The following TAB2 variants were observed in gnomAD, a reference collection of about 807,000 sequenced individuals.
TAB2 encodes the protein TGF-beta-activated kinase 1 and MAP3K7-binding protein 2.
In TAB2, 3 loss-of-function variants were observed where a neutral mutation model predicts 65.0. The observed-to-expected ratio is 0.05, with a 90% CI of 0.02 to 0.12. The LOEUF (loss-of-function observed/expected upper bound fraction) is 0.12. Ranked by LOEUF, TAB2 falls within the 10% of genes least tolerant of loss-of-function variation. The pLI, the probability that TAB2 is intolerant of heterozygous loss-of-function variation, is 1.00. For missense variants in TAB2, 623 were observed against 840.3 expected, an observed-to-expected ratio of 0.74 and a Z score of 3.20; for synonymous variants, 298 against 285.1, an observed-to-expected ratio of 1.05 and a Z score of -0.46.
At chr6:149,268,521 A>G (rs1408651547) in intron 1 of TAB2, among the ~76,000 whole-genome samples, 5 of 152,252 alleles carry the variant, frequency 3.3e-5, no homozygotes, top group Admixed American at 3.3e-4. Flanking sequence ...ATGTGGAAGG[A>G]AAATGTTGAC....
chr6:149,320,767 G>A (rs912458178), intron 1 of TAB2, among the ~76,000 whole-genome samples: 1 of 152,118 alleles, frequency 6.6e-6, no homozygotes, highest in East Asian at 1.9e-4. Flanking sequence ...TTGGGGGAAA[G>A]TTCCTGATAA....
intron 3 of TAB2, among the ~76,000 whole-genome samples, chr6:149,383,579 C>T (rs1781689778): frequency 1.3e-5 from 2 of 152,060 alleles, no homozygotes; most frequent in South Asian, 2.1e-4. Context: ...GACCTATCAC[C>T]CAGTAACACA....
intron 1 of TAB2, among the ~76,000 whole-genome samples, chr6:149,346,191 A>G (rs1328240893): frequency 6.6e-6 from 1 of 152,112 alleles, no homozygotes; most frequent in Non-Finnish European, 1.5e-5. Context: ...AGTAGTAGCA[A>G]ATATCCATGT....
chr6:149,406,131 C>T (rs943387329), intron 6 of TAB2, among the ~76,000 whole-genome samples: 8 of 152,178 alleles, frequency 5.3e-5, no homozygotes, highest in African/African-American at 1.4e-4. Context: ...ATCAGGTCAG[C>T]ACTCATAGTG....
upstream of TAB2, among the ~76,000 whole-genome samples, chr6:149,316,752 T>C (rs1280013132): frequency 6.6e-6 from 1 of 152,142 alleles, no homozygotes; most frequent in East Asian, 1.9e-4. Context: ...GAACGTGCAA[T>C]TAAAATAAAA....
chr6:149,246,294 A>G (rs886689131), intron 1 of TAB2: 2 of 152,204 alleles, frequency 1.3e-5, no homozygotes, highest in African/African-American at 4.8e-5. Context: ...CTAAAAGCAA[A>G]TGGTCTGTTC....
At chr6:149,339,589 A>AT (rs1462448974) in intron 1 of TAB2, among the ~76,000 whole-genome samples, 5,630 of 31,396 alleles carry the variant, frequency 0.18, 452 homozygotes, top group African/African-American at 0.32. Context: ...AATCTTTTTT[A>AT]TTTATTTATT....
At chr6:149,361,206 G>C (rs1780838163) in intron 1 of TAB2, among the ~76,000 whole-genome samples, 1 of 152,220 alleles carries the variant, frequency 6.6e-6, no homozygotes, top group African/African-American at 2.4e-5. Context: ...AGCCCTAGTA[G>C]AGGTTTTTTT....
chr6:149,267,769 G>A (rs1436950305), intron 1 of TAB2, among the ~76,000 whole-genome samples: 2 of 152,100 alleles, frequency 1.3e-5, no homozygotes, highest in Non-Finnish European at 1.5e-5. Context: ...TAGGTGACAA[G>A]CCCGTACAGC....
chr6:149,261,227 C>T (rs1299289182), intron 1 of TAB2, among the ~76,000 whole-genome samples: 1 of 152,098 alleles, frequency 6.6e-6, no homozygotes, highest in Non-Finnish European at 1.5e-5. Context: ...CTCTTAGCTG[C>T]TACAGAAATT....
At chr6:149,342,475 T>C (rs1308085447) in intron 1 of TAB2, among the ~76,000 whole-genome samples, 1 of 152,216 alleles carries the variant, frequency 6.6e-6, no homozygotes, top group Non-Finnish European at 1.5e-5. Context: ...GATTCCAGAA[T>C]AGTGTTGGGT....
At chr6:149,408,558 G>A (rs1782741026) in intron 6 of TAB2, among the ~76,000 whole-genome samples, 2 of 152,092 alleles carry the variant, frequency 1.3e-5, no homozygotes, top group African/African-American at 4.8e-5. Flanking sequence ...GGTGGAATTT[G>A]CATATTAATA....
chr6:149,253,999 AAAG>A (rs1777930411), intron 1 of TAB2, among the ~76,000 whole-genome samples: 1 of 149,232 alleles, frequency 6.7e-6, no homozygotes, highest in Non-Finnish European at 1.5e-5. Context: ...AGAAAGAAAG[AAAG>A]AAAGAAAGAA....
At chr6:149,323,722 T>C (rs1779520839) in intron 1 of TAB2, among the ~76,000 whole-genome samples, 1 of 152,228 alleles carries the variant, frequency 6.6e-6, no homozygotes, top group South Asian at 2.1e-4. Flanking sequence ...TCTGTCAGGT[T>C]ATGAGGCTTT....
intron 1 of TAB2, among the ~76,000 whole-genome samples, chr6:149,364,181 TCCATACAATAG>T (rs1780962468): frequency 6.6e-6 from 1 of 152,204 alleles, no homozygotes; most frequent in South Asian, 2.1e-4. Flanking sequence ...TTACCCTTTT[TCCATACAATAG>T]CCGTTTTTTA....
At chr6:149,370,237 A>G in intron 2 of TAB2, 138 bp downstream of exon 2, 3 of 819,694 alleles carry the variant, frequency 3.7e-6, no homozygotes, top group Admixed American at 2.0e-5. Context: ...GGTGTCTGAT[A>G]GTCATGTGGC....
chr6:149,307,564 T>C (rs1224048939), intron 1 of TAB2, among the ~76,000 whole-genome samples: 1 of 152,228 alleles, frequency 6.6e-6, no homozygotes, highest in Non-Finnish European at 1.5e-5. Context: ...ATGAGGTCAG[T>C]ACTCTGTGAT....
At chr6:149,226,055 A>G (rs947214339) in intron 1 of TAB2, among the ~76,000 whole-genome samples, 1 of 152,214 alleles carries the variant, frequency 6.6e-6, no homozygotes, top group East Asian at 1.9e-4. Context: ...CTGCCCCAGG[A>G]CAAAAGCGAT....
chr6:149,325,225 T>A (rs906688476), intron 1 of TAB2, among the ~76,000 whole-genome samples: 2 of 152,202 alleles, frequency 1.3e-5, no homozygotes, highest in African/African-American at 2.4e-5. Context: ...ATTCACACAC[T>A]CTGAGCCAAG....
Sources: allele counts gnomAD v4.1 joint callset (sites outside exome capture counted in the v4.1 genomes callset), GRCh38; gene constraint gnomAD v4.1.1; transcripts MANE v1.5; gene names NCBI Gene and HGNC (gene_info 2026-07-23, HGNC 2026-07-21).